The following CLASP2 variants were observed in gnomAD, a reference collection of about 807,000 sequenced individuals.
CLASP2 encodes cytoplasmic linker associated protein 2.
In CLASP2, 47 loss-of-function variants were observed where a neutral mutation model predicts 194.4. The ratio of observed to expected loss-of-function variants is 0.24; its 90% confidence interval spans 0.19 to 0.31. CLASP2 has a LOEUF of 0.31. Ranked by LOEUF, CLASP2 falls within the 10% of genes least tolerant of loss-of-function variation. CLASP2 has a pLI of 1.00. For synonymous variants in CLASP2, 619 were observed against 633.5 expected (o/e 0.98, Z 0.34); for missense variants, 1,445 against 1,823.6 (o/e 0.79, Z 3.78).
chr3:33,537,730 A>G (rs569293657), intron 33 of CLASP2, among the ~76,000 whole-genome samples: 1 of 152,314 alleles, frequency 6.6e-6, no homozygotes, highest in South Asian at 2.1e-4. Context: ...CACATTATTA[A>G]AAAAACAAAA....
chr3:33,633,573 T>C (rs983929759), intron 8 of CLASP2, among the ~76,000 whole-genome samples: 3 of 152,120 alleles, frequency 2.0e-5, no homozygotes, highest in Non-Finnish European at 4.4e-5. Flanking sequence ...ACCGTCGATA[T>C]TAGAATTGTC....
intron 34 of CLASP2, among the ~76,000 whole-genome samples, chr3:33,517,713 G>C (rs191809541): frequency 9.2e-5 from 14 of 152,208 alleles, no homozygotes; most frequent in African/African-American, 3.4e-4. Context: ...CAAGGCTGGA[G>C]TGTAGTGGTG....
At chr3:33,695,448 T>C (rs1432110816) in intron 2 of CLASP2, among the ~76,000 whole-genome samples, 2 of 151,816 alleles carry the variant, frequency 1.3e-5, no homozygotes, top group Non-Finnish European at 2.9e-5. Context: ...AAGTGGAACC[T>C]GGTGTTGATT....
intron 7 of CLASP2, among the ~76,000 whole-genome samples, chr3:33,645,750 C>T (rs2082160828): frequency 6.6e-6 from 1 of 152,076 alleles, no homozygotes; most frequent in South Asian, 2.1e-4. Context: ...GCATAGACTG[C>T]CACAGTGCTC....
intron 7 of CLASP2, among the ~76,000 whole-genome samples, chr3:33,648,870 T>C (rs1330877271): frequency 6.6e-6 from 1 of 152,238 alleles, no homozygotes; most frequent in Non-Finnish European, 1.5e-5. Flanking sequence ...TAGGAATAAC[T>C]GTCACAGCCA....
intron 12 of CLASP2, among the ~76,000 whole-genome samples, chr3:33,618,569 C>G: frequency 6.6e-6 from 1 of 152,068 alleles, no homozygotes; most frequent in Admixed American, 6.6e-5. Flanking sequence ...ATAGCTGGAA[C>G]CCGGGCGGCA....
intron 24 of CLASP2, among the ~76,000 whole-genome samples, chr3:33,573,610 A>G (rs1261079609): frequency 6.6e-6 from 1 of 152,224 alleles, no homozygotes; most frequent in Non-Finnish European, 1.5e-5. Flanking sequence ...TCAGATATGT[A>G]AAGTGGGAAG....
At chr3:33,541,564 T>C (rs1375285688) in intron 32 of CLASP2, among the ~76,000 whole-genome samples, 1 of 152,174 alleles carries the variant, frequency 6.6e-6, no homozygotes, top group African/African-American at 2.4e-5. Flanking sequence ...TAGCTCCTAC[T>C]TGTAAGTGAG....
chr3:33,569,109 A>G (rs924071298), intron 26 of CLASP2, among the ~76,000 whole-genome samples: 2 of 152,232 alleles, frequency 1.3e-5, no homozygotes, highest in African/African-American at 4.8e-5. Context: ...TTATGTTGCT[A>G]TAAAGCCCTA....
chr3:33,685,024 A>AATAC (rs1028175315), intron 5 of CLASP2, among the ~76,000 whole-genome samples: 1 of 146,154 alleles, frequency 6.8e-6, no homozygotes, highest in Admixed American at 6.9e-5. Context: ...TAAATAAATA[A>AATAC]ATAAATAATA....
chr3:33,589,899 C>A (rs1335930726), intron 21 of CLASP2, among the ~76,000 whole-genome samples: 1 of 151,998 alleles, frequency 6.6e-6, no homozygotes, highest in Non-Finnish European at 1.5e-5. Flanking sequence ...TAATTTTTAT[C>A]CTTAGACAAT....
chr3:33,646,179 T>C (rs2082257309), intron 7 of CLASP2, among the ~76,000 whole-genome samples: 1 of 151,658 alleles, frequency 6.6e-6, no homozygotes, highest in East Asian at 1.9e-4. Flanking sequence ...TAAAGAGATA[T>C]TATTAAATAT....
intron 7 of CLASP2, among the ~76,000 whole-genome samples, chr3:33,648,852 G>C (rs1016738171): frequency 1.3e-5 from 2 of 152,138 alleles, no homozygotes; most frequent in South Asian, 2.1e-4. Flanking sequence ...CCATTACCTA[G>C]AACAGTCTAG....
At chr3:33,583,716 G>C (rs2066673203) in intron 22 of CLASP2, among the ~76,000 whole-genome samples, 1 of 152,110 alleles carries the variant, frequency 6.6e-6, no homozygotes. Flanking sequence ...AGAAATATGA[G>C]TATTTTCTTT....
At chr3:33,642,235 C>T (rs1292982863) in intron 8 of CLASP2, among the ~76,000 whole-genome samples, 1 of 151,714 alleles carries the variant, frequency 6.6e-6, no homozygotes, top group African/African-American at 2.4e-5. Flanking sequence ...TGCAGATGTG[C>T]TGAAAGATAT....
intron 11 of CLASP2, 81 bp downstream of exon 11, chr3:33,622,054 C>T: frequency 9.4e-7 from 1 of 1,064,384 alleles, no homozygotes; most frequent in Non-Finnish European, 1.3e-6. Flanking sequence ...TATCTTGCTA[C>T]TGCTTGACTT....
intron 33 of CLASP2, 25 bp from the exon 34 acceptor site, chr3:33,535,486 A>G: frequency 6.5e-7 from 1 of 1,550,234 alleles, no homozygotes; most frequent in South Asian, 1.1e-5. Flanking sequence ...TGAAAGCCAC[A>G]GCAAATTAAC....
At chr3:33,699,950 T>C (rs937753607) in intron 1 of CLASP2, among the ~76,000 whole-genome samples, 6 of 151,300 alleles carry the variant, frequency 4.0e-5, no homozygotes, top group African/African-American at 1.5e-4. Flanking sequence ...AAAAGACATT[T>C]TAAAACTAAA....
At chr3:33,705,089 T>TACG (rs1242672770) in intron 1 of CLASP2, among the ~76,000 whole-genome samples, 6 of 152,154 alleles carry the variant, frequency 3.9e-5, no homozygotes, top group Non-Finnish European at 8.8e-5. Flanking sequence ...CCATACATAC[T>TACG]TGTACGTCAA....
Sources: gnomAD v4.1 joint callset for allele counts (sites outside exome capture counted in the v4.1 genomes callset) on GRCh38, gnomAD v4.1.1 for gene constraint, MANE v1.5 for transcripts, NCBI Gene and HGNC (gene_info 2026-07-23, HGNC 2026-07-21) for gene names.